The following ARMH1 variants were observed in gnomAD, a reference collection of about 807,000 sequenced individuals.
The protein encoded by ARMH1 is armadillo like helical domain containing 1, also known as armadillo-like helical domain containing protein 1.
In ARMH1, 34 loss-of-function variants were observed where a neutral mutation model predicts 50.2. That is an observed-to-expected ratio of 0.68 (90% confidence interval 0.51 to 0.90). The LOEUF (loss-of-function observed/expected upper bound fraction) is 0.90, where lower values mean the gene tolerates loss of function less well. Among genes scored for constraint, ARMH1 ranks in the 40% least tolerant of loss-of-function variants. The probability of loss-of-function intolerance (pLI) is 0.00; values close to 1 mark genes in which losing one functional copy is unlikely to be tolerated. For synonymous variants in ARMH1, 221 were observed against 224.2 expected, an observed-to-expected ratio of 0.99 and a Z score of 0.13; for missense variants, 538 against 553.9, an observed-to-expected ratio of 0.97 and a Z score of 0.29.
At chr1:44,713,149 A>G (rs1479777525) in intron 6 of ARMH1, among the ~76,000 whole-genome samples, 3 of 143,560 alleles carry the variant, frequency 2.1e-5, no homozygotes, top group Admixed American at 1.5e-4. Flanking sequence ...CCCAGGCTGA[A>G]GTGCAGTGGC....
chr1:44,679,763 A>G (rs1645248336), intron 1 of ARMH1, among the ~76,000 whole-genome samples: 1 of 152,256 alleles, frequency 6.6e-6, no homozygotes, highest in African/African-American at 2.4e-5. Context: ...GGACCTGCAT[A>G]TCATGGACAT....
chr1:44,721,663 A>T (rs1017305422), intron 6 of ARMH1: 2 of 152,106 alleles, frequency 1.3e-5, no homozygotes, highest in South Asian at 2.1e-4. Context: ...TGGGAGATGG[A>T]GGTTGTAGTG....
intron 2 of ARMH1, among the ~76,000 whole-genome samples, chr1:44,691,476 C>CTT (rs896029522): frequency 6.6e-6 from 1 of 152,072 alleles, no homozygotes; most frequent in African/African-American, 2.4e-5. Context: ...GTCAATCAAC[C>CTT]TTTCCCACTT....
intron 1 of ARMH1, among the ~76,000 whole-genome samples, chr1:44,678,651 T>G (rs1254007953): frequency 1.3e-5 from 2 of 152,140 alleles, no homozygotes; most frequent in African/African-American, 2.4e-5. Context: ...GGAGAAGGCC[T>G]GTCTCATTCT....
Position 44,689,892 on chromosome 1 carries a change from G to A in ARMH1, c.195G>A (p.Ser65=), listed in dbSNP as rs1450315929. Residue 65 remains serine (S), a synonymous_variant, in exon 2 of 12, where the codon TCG becomes TCA. Coordinates refer to ENST00000535358, the MANE Select transcript of ARMH1 (RefSeq NM_001145636.2). ...TGTTCCTGGTACGCTTGACCACCTC[G>A]CTTAGAATCACGTATCCTTTACTGA... ...ASLFLVRLTT[S]LRITYMTDSC... 7 of 1,550,036 alleles carry A rather than the reference G, an allele frequency of 4.5e-6. No homozygotes were observed. Among genetic ancestry groups the A allele is most frequent in the Admixed American group, 2.0e-5 (1 of 50,924 alleles).
rs896387943 is a variant in ARMH1, at chr1:44,701,005, G to A, written c.525G>A (p.Leu175=). Residue 175 remains leucine (L), a synonymous_variant, in exon 5 of 12, where the codon TTG becomes TTA. Transcript: ENST00000535358. ...QEEVQVLLDS[L]VHGNPKYQNQ... The stretch of plus-strand genomic sequence containing the variant: ...AAGTGCAGGTTCTGTTGGATTCTTT[G>A]GTCCACGGCAATCCCAAGTACCAAA... 1.9e-6 allele frequency: 3 copies of A among 1,551,640 alleles called. No homozygotes were observed. The highest frequency in any genetic ancestry group is 2.6e-6 in the Non-Finnish European group (3 of 1,146,994).
In ARMH1 at chr1:44,683,987, T is replaced by A. The variant is rs139941302; in HGVS notation, c.-22-5689T>A. Among the ~76,000 whole-genome samples, 27 of 151,994 alleles carry A rather than the reference T, an allele frequency of 1.8e-4. No individual in the cohort carries two copies. The East Asian group carries it at 5.2e-3, about 29-fold the overall frequency. On this transcript the variant is annotated intron_variant, in intron 1 of 11. Transcript: ENST00000535358. This position sits in a 1 kb window ranked among gnomAD's most constrained non-coding sequence, Gnocchi z 4.2. ...AGGCAACACAGAGAGACCCCATCTC[T>A]ATAAACAAAAACAACCACAGAGAGA...
intron 6 of ARMH1, among the ~76,000 whole-genome samples, chr1:44,713,554 A>G (rs1287945089): frequency 2.0e-5 from 3 of 152,204 alleles, no homozygotes; most frequent in Non-Finnish European, 4.4e-5. Flanking sequence ...TAAAAGATGC[A>G]TTACTTCCCC....
intron 1 of ARMH1, among the ~76,000 whole-genome samples, 196 bp downstream of exon 1, chr1:44,675,069 TTATC>T (rs1266832717): frequency 4.6e-5 from 7 of 152,100 alleles, no homozygotes; most frequent in African/African-American, 1.7e-4. Context: ...TTTCTTGCAT[TTATC>T]TATATTTACA....
chr1:44,679,109 A>C (rs190853039), intron 1 of ARMH1, among the ~76,000 whole-genome samples: 27 of 152,358 alleles, frequency 1.8e-4, no homozygotes. Flanking sequence ...CAAGGTTAGA[A>C]GGCCACAAAC....
intron 2 of ARMH1, among the ~76,000 whole-genome samples, chr1:44,695,830 G>A (rs189984583): frequency 1.3e-5 from 2 of 151,890 alleles, no homozygotes; most frequent in East Asian, 1.9e-4. Flanking sequence ...CTGTAGTCCC[G>A]GCTACTCAGG....
intron 6 of ARMH1, among the ~76,000 whole-genome samples, chr1:44,709,398 C>T (rs2093196): frequency 0.76 from 115,245 of 152,160 alleles, 43,775 homozygotes; most frequent in East Asian, 0.92. Context: ...CTCAGGCAGG[C>T]GCGGTGGCTC....
rs1326283953 is a variant in ARMH1 at position 44,712,126 on chromosome 1, C to G, written c.724+7953C>G. Reference sequence around the variant, plus strand: ...CAAGGACACCCTTTTAATCCCAGCACTTTGGGAGCCCGAGGCGGGCAGATC... The same window carrying G: ...CAAGGACACCCTTTTAATCCCAGCAGTTTGGGAGCCCGAGGCGGGCAGATC... On this transcript the variant is annotated intron_variant, in intron 6 of 11. Coordinates refer to ENST00000535358, the MANE Select transcript of ARMH1 (RefSeq NM_001145636.2). Among the ~76,000 whole-genome samples, 4 of 152,172 alleles carry G rather than the reference C, an allele frequency of 2.6e-5. No individual in the cohort carries two copies. In the East Asian group the frequency reaches 7.7e-4, roughly 29 times the overall value.
rs1334576797 is a variant in ARMH1, at chr1:44,724,673, G to A, written c.1050+5G>A. ...CTGGCCAGCCTCACGCTGGAGGTGC[G>A]CGCGGCGGCTGGTTAGGGGGCGGGA... is the stretch of plus-strand genomic sequence containing the variant. On this transcript the variant is annotated splice_donor_5th_base_variant and intron_variant, in intron 9 of 11. Transcript: ENST00000535358. This position sits in a 1 kb window ranked among gnomAD's most constrained non-coding sequence, Gnocchi z 6.4. 1 of 1,485,602 alleles carries A rather than the reference G, an allele frequency of 6.7e-7. No homozygotes were observed. The highest frequency in any genetic ancestry group is 1.3e-5 in the South Asian group (1 of 78,328). 92.0% of individuals were successfully genotyped at this position (1,485,602 alleles called of 1,614,324 possible).
chr1:44,700,795 C>A, intron 4 of ARMH1, 128 bp from the exon 5 acceptor site: 2 of 703,254 alleles, frequency 2.8e-6, no homozygotes, highest in Non-Finnish European at 4.6e-6. Context: ...GAGAACCAGG[C>A]CTCAATTTTG....
intron 1 of ARMH1, among the ~76,000 whole-genome samples, chr1:44,679,264 A>G (rs1373767537): frequency 6.6e-6 from 1 of 152,220 alleles, no homozygotes; most frequent in African/African-American, 2.4e-5. Context: ...GATGGCATAC[A>G]TATATTTTTC....
intron 6 of ARMH1, 122 bp from the exon 7 acceptor site, chr1:44,724,000 C>A (rs1647817944): frequency 4.6e-6 from 6 of 1,299,320 alleles, no homozygotes; most frequent in Non-Finnish European, 6.2e-6. Flanking sequence ...CCACGCCCTG[C>A]ACAGTGCTGA....
At chr1:44,685,169 C>T (rs1645428248) in intron 1 of ARMH1, among the ~76,000 whole-genome samples, 1 of 152,252 alleles carries the variant, frequency 6.6e-6, no homozygotes, top group African/African-American at 2.4e-5. Context: ...TAAAAAAGAC[C>T]TTCACCAAAG....
At chr1:44,720,197 CAAAAAAAAAAA>C (rs35873369) in intron 6 of ARMH1, among the ~76,000 whole-genome samples, 1 of 69,208 alleles carries the variant, frequency 1.4e-5, no homozygotes, top group Non-Finnish European at 3.0e-5. Context: ...AACTCTGTCT[CAAAAAAAAAAA>C]AAAAAAAAAA....
Sources: allele counts gnomAD v4.1 joint callset (sites outside exome capture counted in the v4.1 genomes callset), GRCh38; gene constraint gnomAD v4.1.1; non-coding constraint Gnocchi (gnomAD v3.1); transcripts MANE v1.5; gene names NCBI Gene and HGNC (gene_info 2026-07-23, HGNC 2026-07-21).